The following TBL1XR1 variants were observed in gnomAD, a reference collection of about 807,000 sequenced individuals.
TBL1XR1 encodes F-box-like/WD repeat-containing protein TBL1XR1.
TBL1XR1 carries 5 observed loss-of-function variants against 66.9 expected under a neutral mutation model. That is an observed-to-expected ratio of 0.07 (90% CI 0.04 to 0.16). The LOEUF (loss-of-function observed/expected upper bound fraction) is 0.16, where lower values mean the gene tolerates loss of function less well. Ranked by LOEUF, TBL1XR1 falls within the 10% of genes least tolerant of loss-of-function variation. The pLI is 1.00. For synonymous variants in TBL1XR1, 210 were observed against 206.0 expected (o/e 1.02, Z -0.17); for missense variants, 238 against 623.2 (o/e 0.38, Z 6.58).
intron 14 of TBL1XR1, 44 bp from the exon 15 acceptor site, chr3:177,026,518 T>A: frequency 2.2e-6 from 3 of 1,369,246 alleles, no homozygotes; most frequent in Non-Finnish European, 3.0e-6. Flanking sequence ...TAATACATAT[T>A]ATAATAAATC....
rs527907539 is a variant in TBL1XR1 at position 177,036,954 on chromosome 3, G to A, written c.1122+1144C>T. Among the ~76,000 whole-genome samples the A allele has an allele frequency of 3.9e-5, 6 of 152,274 alleles. No individual in the cohort carries two copies. The South Asian group carries it at 1.0e-3, about 26-fold the overall frequency. On this transcript the variant is annotated intron_variant, in intron 12 of 15. Coordinates refer to ENST00000457928, the MANE Select transcript of TBL1XR1 (RefSeq NM_024665.7). ...CATTTATTTTGGAAATAAGTATTAC[G>A]TTGTTCTTTATCTCCAAATGCTTTT...
intron 1 of TBL1XR1, among the ~76,000 whole-genome samples, chr3:177,190,221 A>AAGTCAACT (rs1735978976): frequency 6.6e-6 from 1 of 152,058 alleles, no homozygotes; most frequent in African/African-American, 2.4e-5. Context: ...TAACCAGATA[A>AAGTCAACT]AGTCAACTTA....
intron 1 of TBL1XR1, among the ~76,000 whole-genome samples, chr3:177,117,560 C>T (rs1358975842): frequency 6.6e-6 from 1 of 152,176 alleles, no homozygotes. Context: ...TTATAGGCAG[C>T]ATAAGCTCTC....
At chr3:177,066,198 A>G (rs763949416) in intron 2 of TBL1XR1, among the ~76,000 whole-genome samples, 2 of 152,172 alleles carry the variant, frequency 1.3e-5, no homozygotes, top group Non-Finnish European at 2.9e-5. Flanking sequence ...TGAGTAGGCT[A>G]CCAGGTGACA....
chr3:177,173,974 GTGT>G (rs1480077491), intron 1 of TBL1XR1, among the ~76,000 whole-genome samples: 8 of 152,214 alleles, frequency 5.3e-5, no homozygotes, highest in Middle Eastern at 3.4e-3. Context: ...ATCTTTAGAA[GTGT>G]TGTCAAAATA....
At chr3:177,054,547 T>G (rs1717561546) in intron 3 of TBL1XR1, among the ~76,000 whole-genome samples, 1 of 152,160 alleles carries the variant, frequency 6.6e-6, no homozygotes, top group Non-Finnish European at 1.5e-5. Context: ...AGCACTCAGG[T>G]AAAATCTGAA....
intron 1 of TBL1XR1, among the ~76,000 whole-genome samples, chr3:177,179,957 AG>A (rs1734610072): frequency 1.3e-5 from 2 of 152,142 alleles, no homozygotes; most frequent in South Asian, 4.1e-4. Context: ...TACCCACTAC[AG>A]GCTGGGTGCA....
chr3:177,136,893 T>G (rs147446033), intron 1 of TBL1XR1, among the ~76,000 whole-genome samples: 1 of 152,280 alleles, frequency 6.6e-6, no homozygotes, highest in Non-Finnish European at 1.5e-5. Flanking sequence ...AGACAATTAC[T>G]CAATATTATG....
rs985609508 is a variant in TBL1XR1, at chr3:177,078,311, G to A, written c.-45-13289C>T. ...TGCTCCAGCATATAAAATATAATTC[G>A]GCTGAGTGCATGGTTCACACTTGTC... is the stretch of plus-strand genomic sequence containing the variant. On this transcript the variant is annotated intron_variant, in intron 2 of 15. Transcript: ENST00000457928. 4.0e-5 allele frequency among the ~76,000 whole-genome samples: 6 copies of A among 151,808 alleles called. No homozygotes were observed. The South Asian group carries it at 6.2e-4, about 16-fold the overall frequency.
chr3:177,161,342 CA>C (rs1732186923), intron 1 of TBL1XR1, among the ~76,000 whole-genome samples: 1 of 152,160 alleles, frequency 6.6e-6, no homozygotes, highest in Non-Finnish European at 1.5e-5. Context: ...AAGACTTCTA[CA>C]AGCAGTCAGC....
At chr3:177,071,881 T>C (rs570127447) in intron 2 of TBL1XR1, among the ~76,000 whole-genome samples, 1 of 152,268 alleles carries the variant, frequency 6.6e-6, no homozygotes, top group Admixed American at 6.5e-5. Flanking sequence ...TTTCACAGGA[T>C]GAGAGAAAAC....
At chr3:177,164,541 G>T (rs1375332514) in intron 1 of TBL1XR1, among the ~76,000 whole-genome samples, 1 of 151,976 alleles carries the variant, frequency 6.6e-6, no homozygotes. Context: ...GTAGAGATGG[G>T]GTTTCCCCAT....
At chr3:177,199,447 C>G (rs1266407025), upstream of TBL1XR1, among the ~76,000 whole-genome samples, 1 of 150,852 alleles carries the variant, frequency 6.6e-6, no homozygotes, top group African/African-American at 2.4e-5. Context: ...AGTAAGTAAA[C>G]TATCTCGGTG....
At chr3:177,044,609 G>A (rs767011538) in intron 10 of TBL1XR1, among the ~76,000 whole-genome samples, 7 of 152,088 alleles carry the variant, frequency 4.6e-5, no homozygotes, top group Non-Finnish European at 8.8e-5. Flanking sequence ...GTATACATAT[G>A]TCAAAATATA....
chr3:177,076,257 T>C (rs1487318903), intron 2 of TBL1XR1, among the ~76,000 whole-genome samples: 2 of 152,312 alleles, frequency 1.3e-5, no homozygotes, highest in Admixed American at 6.5e-5. Context: ...GCAATGGAGA[T>C]CAGGTTTCAA....
intron 1 of TBL1XR1, among the ~76,000 whole-genome samples, chr3:177,113,022 C>A (rs1266577238): frequency 6.6e-6 from 1 of 151,724 alleles, no homozygotes; most frequent in Non-Finnish European, 1.5e-5. Context: ...CACACACACA[C>A]ACGGAATAGA....
chr3:177,149,008 A>AAAAAG (rs1372846235), intron 1 of TBL1XR1, among the ~76,000 whole-genome samples: 2 of 125,362 alleles, frequency 1.6e-5, no homozygotes, highest in Non-Finnish European at 3.6e-5. Flanking sequence ...TCCCTCAAAA[A>AAAAAG]AAAAGAAAAG....
chr3:177,047,849 C>G, intron 7 of TBL1XR1: 1 of 320,260 alleles, frequency 3.1e-6, no homozygotes, highest in Admixed American at 4.4e-5. Flanking sequence ...CAGACTCACA[C>G]AACTAAGAAT....
intron 1 of TBL1XR1, among the ~76,000 whole-genome samples, chr3:177,184,886 T>G (rs139581746): frequency 2.6e-4 from 39 of 152,176 alleles, no homozygotes; most frequent in African/African-American, 9.4e-4. Context: ...ATCATACCAC[T>G]ACTCTAATTC....
Sources: allele counts gnomAD v4.1 joint callset (sites outside exome capture counted in the v4.1 genomes callset), GRCh38; gene constraint gnomAD v4.1.1; transcripts MANE v1.5; gene names NCBI Gene and HGNC (gene_info 2026-07-23, HGNC 2026-07-21).